The following SEL1L3 variants were observed in gnomAD, a reference collection of about 807,000 sequenced individuals.
The protein encoded by SEL1L3 is protein sel-1 homolog 3.
SEL1L3 carries 76 observed loss-of-function variants against 142.8 expected under a neutral mutation model. That is an observed-to-expected ratio of 0.53 (90% CI 0.44 to 0.64). The LOEUF is 0.64. Ranked by LOEUF, SEL1L3 falls within the 30% of genes least tolerant of loss-of-function variation. The pLI, the probability that SEL1L3 is intolerant of heterozygous loss-of-function variation, is 0.00. For missense variants in SEL1L3, 1,262 were observed against 1,381.7 expected, an observed-to-expected ratio of 0.91 and a Z score of 1.37; for synonymous variants, 504 against 519.6, an observed-to-expected ratio of 0.97 and a Z score of 0.41.
At chr4:25,791,680 A>G (rs1401963002) in intron 11 of SEL1L3, among the ~76,000 whole-genome samples, 1 of 152,182 alleles carries the variant, frequency 6.6e-6, no homozygotes, top group Non-Finnish European at 1.5e-5. Context: ...TTGGGAGGCC[A>G]AGGCAGGAGG....
chr4:25,765,024 T>G (rs1718617708), intron 20 of SEL1L3, among the ~76,000 whole-genome samples: 1 of 152,156 alleles, frequency 6.6e-6, no homozygotes, highest in Non-Finnish European at 1.5e-5. Flanking sequence ...AGACAGGGTC[T>G]TGCTCTGTCA....
At position 25,818,369 on chromosome 4, in the gene SEL1L3, A is replaced by AAGAAGAGGCC. The variant is rs11281441; in HGVS notation, c.1424-92_1424-91insGGCCTCTTCT. 6,988 of 1,142,128 alleles carry AAGAAGAGGCC rather than the reference A, an allele frequency of 6.1e-3. 297 individuals carry two copies. The African/African-American group carries it at 0.1, about 17-fold the overall frequency. The allele number at this position is 1,142,128 out of a possible 1,614,324, so 70.7% of individuals were successfully genotyped here. A position where few individuals can be genotyped will look rare whatever the true frequency, so the allele number is the denominator to read the frequency against. Reference sequence around the variant, plus strand: ...GCCCTTCTTCCTAACAGGAACTAGAAAGACTTGCCATTACTGGATGTTGGT... The same window carrying AAGAAGAGGCC: ...GCCCTTCTTCCTAACAGGAACTAGAAAGAAGAGGCCAGACTTGCCATTACTGGATGTTGGT... On this transcript the variant is annotated intron_variant, in intron 8 of 23. Coordinates refer to ENST00000399878, the MANE Select transcript of SEL1L3 (RefSeq NM_015187.5).
chr4:25,851,130 C>T (rs1343905609), intron 1 of SEL1L3, among the ~76,000 whole-genome samples: 1 of 152,106 alleles, frequency 6.6e-6, no homozygotes, highest in Non-Finnish European at 1.5e-5. Flanking sequence ...GGATTACAGG[C>T]GTGAGCCACT....
intron 15 of SEL1L3, among the ~76,000 whole-genome samples, chr4:25,780,828 A>C (rs1719948357): frequency 6.8e-6 from 1 of 147,102 alleles, no homozygotes. Context: ...TATATTTTAT[A>C]TATATATATA....
chr4:25,787,921 C>A (rs1473463328), intron 13 of SEL1L3, among the ~76,000 whole-genome samples: 1 of 152,182 alleles, frequency 6.6e-6, no homozygotes, highest in Non-Finnish European at 1.5e-5. Flanking sequence ...ACTTGCAGTG[C>A]CTGTGGGGGC....
At chr4:25,778,443 T>C (rs1311163643) in intron 16 of SEL1L3, among the ~76,000 whole-genome samples, 1 of 151,746 alleles carries the variant, frequency 6.6e-6, no homozygotes, top group East Asian at 1.9e-4. Flanking sequence ...GCTTAGCAAA[T>C]AAACAATAAA....
intron 23 of SEL1L3, chr4:25,756,490 C>A: frequency 2.0e-6 from 2 of 983,956 alleles, no homozygotes; most frequent in Non-Finnish European, 1.2e-6. Context: ...CATTTTTTTT[C>A]ACTTAATATT....
intron 2 of SEL1L3, among the ~76,000 whole-genome samples, chr4:25,844,852 A>G (rs747193732): frequency 6.6e-6 from 1 of 152,210 alleles, no homozygotes; most frequent in Non-Finnish European, 1.5e-5. Context: ...CTGATCATCA[A>G]AATGATTGAC....
At chr4:25,737,571 A>T in the SEL1L3 span, among the ~76,000 whole-genome samples, 1 of 152,162 alleles carries the variant, frequency 6.6e-6, no homozygotes, top group Non-Finnish European at 1.5e-5. Flanking sequence ...TCTAAATGCT[A>T]TCCCATTGGA....
chr4:25,716,392 T>C, the SEL1L3 span, among the ~76,000 whole-genome samples: 2 of 152,154 alleles, frequency 1.3e-5, no homozygotes, highest in Non-Finnish European at 2.9e-5. Context: ...TAGAGAACAT[T>C]CATAGCTTGC....
intron 16 of SEL1L3, 29 bp from the exon 17 acceptor site, chr4:25,776,389 G>A (rs1390063616): frequency 1.4e-5 from 20 of 1,393,976 alleles, no homozygotes; most frequent in African/African-American, 8.6e-5. Flanking sequence ...GAGAAAATAC[G>A]CAAACCATGG....
rs866603962 is a variant in SEL1L3, at chr4:25,788,253, T to C, written c.2188A>G (p.Ile730Val). 6.2e-7 allele frequency: 1 copy of C among 1,613,902 alleles called. No homozygotes were observed. Residue 730 changes from isoleucine (I) to valine (V), a missense_variant, in exon 13 of 24, where the codon ATC (isoleucine) becomes GTC (valine). Around this residue, in one of 3 missense-constraint regions of SEL1L3, gnomAD observed 435 missense variants for 559.2 expected, o/e 0.78. Transcript: ENST00000399878. The surrounding 1 kb of genome is among the most constrained non-coding windows in gnomAD (Gnocchi z 5.3). ...AATAGCACAATGGCATAGTCATAGATTAACGCAGGATCCTCCGTCTCCAGG... is the reference window on the plus strand; with the variant it reads ...AATAGCACAATGGCATAGTCATAGACTAACGCAGGATCCTCCGTCTCCAGG... ...GALETEDPAL[I>V]YDYAIVLFKG... is the part of the protein sequence containing the mutation.
the SEL1L3 span, among the ~76,000 whole-genome samples, chr4:25,725,617 G>A: frequency 6.6e-6 from 1 of 151,938 alleles, no homozygotes; most frequent in Non-Finnish European, 1.5e-5. Context: ...CCCGGCCCTG[G>A]TTGGCTATTT....
At chr4:25,799,097 CAG>C (rs1475237541) in intron 11 of SEL1L3, among the ~76,000 whole-genome samples, 1 of 152,074 alleles carries the variant, frequency 6.6e-6, no homozygotes, top group African/African-American at 2.4e-5. Flanking sequence ...TTGTTTGAGA[CAG>C]AGTCTTGCTC....
chr4:25,851,995 G>A (rs929881558), intron 1 of SEL1L3, among the ~76,000 whole-genome samples: 1 of 151,940 alleles, frequency 6.6e-6, no homozygotes, highest in Non-Finnish European at 1.5e-5. Flanking sequence ...TGGGCAACCT[G>A]TGGGAAGAGA....
chr4:25,796,222 A>G (rs1712734625), intron 11 of SEL1L3, among the ~76,000 whole-genome samples: 1 of 152,164 alleles, frequency 6.6e-6, no homozygotes, highest in Non-Finnish European at 1.5e-5. Context: ...GGATGCTGAC[A>G]TGCCTTTCAT....
At chr4:25,766,590 C>T (rs1177775472) in intron 19 of SEL1L3, among the ~76,000 whole-genome samples, 1 of 152,070 alleles carries the variant, frequency 6.6e-6, no homozygotes, top group African/African-American at 2.4e-5. Flanking sequence ...AAACAATAGG[C>T]AGCCCAGAGA....
rs978810142 is a variant in SEL1L3 at position 25,818,357 on chromosome 4, A to G, written c.1424-79T>C. On this transcript the variant is annotated intron_variant, in intron 8 of 23. Coordinates refer to ENST00000399878, the MANE Select transcript of SEL1L3 (RefSeq NM_015187.5). ...CACCTCCCTAAAGCCCTTCTTCCTA[A>G]CAGGAACTAGAAAGACTTGCCATTA... The G allele has an allele frequency of 5.6e-6, 7 of 1,253,386 alleles. No homozygotes were observed. In the African/African-American group the frequency reaches 8.0e-5, roughly 14 times the overall value. 77.6% of individuals were successfully genotyped at this position (1,253,386 alleles called of 1,614,324 possible).
intron 23 of SEL1L3, 43 bp downstream of exon 23, chr4:25,757,491 T>C: frequency 3.6e-6 from 5 of 1,393,058 alleles, no homozygotes; most frequent in African/African-American, 1.5e-5. Flanking sequence ...TCCCTGCTTT[T>C]TTTTTTTTTA....
Sources: allele counts gnomAD v4.1 joint callset (sites outside exome capture counted in the v4.1 genomes callset), GRCh38; gene constraint gnomAD v4.1.1; regional missense constraint gnomAD v4.1.1; non-coding constraint Gnocchi (gnomAD v3.1); transcripts MANE v1.5; gene names NCBI Gene and HGNC (gene_info 2026-07-23, HGNC 2026-07-21).